DRC9: variants seen among roughly 807,000 people sequenced by gnomAD.
DRC9 encodes dynein regulatory complex protein 9.
the DRC9 span, chr3:197,955,800 T>C: frequency 1.9e-6 from 3 of 1,571,328 alleles, no homozygotes; most frequent in Non-Finnish European, 1.7e-6. Flanking sequence ...TAAATAAATG[T>C]GGATTTGTGC....
the DRC9 span, chr3:197,954,216 T>G: frequency 4.0e-6 from 6 of 1,517,652 alleles, no homozygotes; most frequent in Non-Finnish European, 5.5e-6. Context: ...GTGCTTTGAC[T>G]TCTGAGGACT....
chr3:197,904,875 G>A, the DRC9 span, among the ~76,000 whole-genome samples: 1 of 152,074 alleles, frequency 6.6e-6, no homozygotes, highest in Non-Finnish European at 1.5e-5. Context: ...AATTTAAAAA[G>A]GTGGGACATA....
At chr3:197,910,700 C>G in the DRC9 span, among the ~76,000 whole-genome samples, 1 of 152,180 alleles carries the variant, frequency 6.6e-6, no homozygotes, top group Non-Finnish European at 1.5e-5. Context: ...CCAGCTGGGG[C>G]TGGGCACGGT....
the DRC9 span, among the ~76,000 whole-genome samples, chr3:197,952,162 GTTTTTTTTTTTTTTT>G: frequency 2.4e-5 from 2 of 83,860 alleles, no homozygotes; most frequent in South Asian, 4.7e-4. Flanking sequence ...AAAATTATGG[GTTTTTTTTTTTTTTT>G]TTTTTTTTTT....
chr3:197,895,395 C>T, the DRC9 span, among the ~76,000 whole-genome samples: 1 of 152,138 alleles, frequency 6.6e-6, no homozygotes, highest in South Asian at 2.1e-4. Flanking sequence ...TCAGCCTTCT[C>T]AGCAGCTGGG....
the DRC9 span, chr3:197,958,173 T>A: frequency 6.6e-6 from 1 of 152,156 alleles, no homozygotes; most frequent in Non-Finnish European, 1.5e-5. Flanking sequence ...GCTCAGACAA[T>A]CCCCTGCCCA....
At chr3:197,943,807 G>A in the DRC9 span, 1 of 1,614,190 alleles carries the variant, frequency 6.2e-7, no homozygotes, top group East Asian at 2.2e-5. Flanking sequence ...CCTTCGTACT[G>A]AACGGGCATG....
At chr3:197,942,957 A>G in the DRC9 span, among the ~76,000 whole-genome samples, 3,002 of 152,172 alleles carry the variant, frequency 0.02, 133 homozygotes, top group African/African-American at 0.069. Context: ...ATAACTTGAT[A>G]AATGTGTACT....
the DRC9 span, chr3:197,959,021 A>G: frequency 6.6e-6 from 1 of 152,274 alleles, no homozygotes; most frequent in Non-Finnish European, 1.5e-5. Flanking sequence ...AGCCTGGCCA[A>G]CGTGGTGAAA....
At chr3:197,902,380 C>T in the DRC9 span, among the ~76,000 whole-genome samples, 22 of 151,960 alleles carry the variant, frequency 1.4e-4, no homozygotes, top group Non-Finnish European at 2.2e-4. Context: ...AAATAAAGCA[C>T]CAGGGACTAA....
the DRC9 span, among the ~76,000 whole-genome samples, chr3:197,915,748 G>A: frequency 3.3e-5 from 5 of 151,892 alleles, no homozygotes; most frequent in African/African-American, 1.2e-4. Flanking sequence ...TCCTGCCTCA[G>A]CCTTCTGAGT....
chr3:197,938,934 C>T, the DRC9 span: 20 of 625,358 alleles, frequency 3.2e-5, no homozygotes, highest in South Asian at 2.0e-4. Context: ...CCAAACCACA[C>T]GCGCCCTGCT....
chr3:197,889,633 C>G, the DRC9 span: 1 of 1,614,216 alleles, frequency 6.2e-7, no homozygotes, highest in South Asian at 1.1e-5. Flanking sequence ...CCTTTTGAAT[C>G]CTTGCTATCA....
At chr3:197,914,996 T>C in the DRC9 span, among the ~76,000 whole-genome samples, 15 of 151,618 alleles carry the variant, frequency 9.9e-5, no homozygotes, top group Non-Finnish European at 1.9e-4. Context: ...AAACCCCGTC[T>C]CTACTAAAAA....
chr3:197,904,125 G>A, the DRC9 span, among the ~76,000 whole-genome samples: 1 of 136,028 alleles, frequency 7.4e-6, no homozygotes. Flanking sequence ...TTTTTTTAAA[G>A]GGCCAAAGAT....
At chr3:197,913,375 A>C in the DRC9 span, 1 of 229,532 alleles carries the variant, frequency 4.4e-6, no homozygotes, top group Non-Finnish European at 8.1e-6. Context: ...TGTGCCATTT[A>C]GCATTCCCCT....
the DRC9 span, chr3:197,914,129 G>T: frequency 9.2e-7 from 1 of 1,091,998 alleles, no homozygotes; most frequent in Non-Finnish European, 1.4e-6. Flanking sequence ...CCTTTTATGC[G>T]TATAAATCAA....
chr3:197,941,389 TTCCCCCTCCCTCCTC>T, the DRC9 span, among the ~76,000 whole-genome samples: 16 of 23,572 alleles, frequency 6.8e-4, 1 homozygote, highest in South Asian at 3.1e-3. Flanking sequence ...CTCCCCTCCC[TTCCCCCTCCCTCCTC>T]TCCCATCCCC....
At chr3:197,936,567 T>C in the DRC9 span, among the ~76,000 whole-genome samples, 1 of 152,134 alleles carries the variant, frequency 6.6e-6, no homozygotes, top group African/African-American at 2.4e-5. Context: ...TTTCACTATG[T>C]TACCCAGCTG....
Sources: gnomAD v4.1 joint callset for allele counts (sites outside exome capture counted in the v4.1 genomes callset) on GRCh38, gnomAD v4.1.1 for gene constraint, MANE v1.5 for transcripts, NCBI Gene and HGNC (gene_info 2026-07-23, HGNC 2026-07-21) for gene names.